SIK3: variants seen among roughly 807,000 people sequenced by gnomAD.
SIK3 encodes SIK family kinase 3.
SIK3 carries 28 observed loss-of-function variants against 144.2 expected under a neutral mutation model. That is an observed-to-expected ratio of 0.19 (90% CI 0.14 to 0.27). SIK3 has a LOEUF of 0.27. Among genes scored for constraint, SIK3 ranks in the 10% least tolerant of loss-of-function variants. The pLI is 1.00. For missense variants in SIK3, 1,319 were observed against 1,776.0 expected (o/e 0.74, Z 4.62); for synonymous variants, 686 against 676.3 (o/e 1.01, Z -0.22).
intron 1 of SIK3, among the ~76,000 whole-genome samples, chr11:116,984,012 C>G (rs1950241348): frequency 7.1e-6 from 1 of 141,628 alleles, no homozygotes; most frequent in Non-Finnish European, 1.5e-5. Context: ...GATCATGCCA[C>G]TGCACTCCAG....
intron 1 of SIK3, among the ~76,000 whole-genome samples, chr11:117,040,842 T>C (rs1298740824): frequency 6.6e-6 from 1 of 152,126 alleles, no homozygotes; most frequent in Non-Finnish European, 1.5e-5. Context: ...TTTCATTGTA[T>C]ATATTTAAGG....
rs1942594401 is a variant in SIK3 at position 116,853,086 on chromosome 11, C to G, written c.3656-3803G>C. 2.0e-5 allele frequency among the ~76,000 whole-genome samples: 3 copies of G among 152,222 alleles called. No individual in the cohort carries two copies. In the South Asian group the frequency reaches 6.2e-4, roughly 32 times the overall value. ...ACCAGCAAAGTGTTGGCAAATCTTT[C>G]AGCTTCTCCTCAAGGTTCCTGATCT... On this transcript the variant is annotated intron_variant, in intron 21 of 24. Coordinates refer to ENST00000445177, the MANE Select transcript of SIK3 (RefSeq NM_001366686.3).
chr11:116,992,753 G>C (rs1950540165), intron 1 of SIK3, among the ~76,000 whole-genome samples: 1 of 152,204 alleles, frequency 6.6e-6, no homozygotes, highest in Admixed American at 6.5e-5. Context: ...GGGGAGCCAA[G>C]GCAGGAGGAC....
At chr11:116,891,126 G>C (rs1375329314) in intron 6 of SIK3, among the ~76,000 whole-genome samples, 1 of 152,150 alleles carries the variant, frequency 6.6e-6, no homozygotes, top group Admixed American at 6.5e-5. Context: ...GGTCAACAGA[G>C]AGAGAGTCCA....
chr11:117,063,116 A>G (rs574041615), intron 1 of SIK3, among the ~76,000 whole-genome samples: 12 of 152,346 alleles, frequency 7.9e-5, no homozygotes, highest in Non-Finnish European at 1.3e-4. Flanking sequence ...ACAATATTTA[A>G]AAGAATGTAT....
intron 1 of SIK3, among the ~76,000 whole-genome samples, chr11:117,023,621 A>AAAAATATATATATATATATATATAT (rs754624841): frequency 4.2e-5 from 4 of 95,408 alleles, no homozygotes; most frequent in African/African-American, 1.3e-4. Flanking sequence ...AAAAAAAAAA[A>AAAAATATATATATATATATATATAT]ATATATATAT....
chr11:116,875,192 T>C lies in SIK3; in HGVS notation c.1393A>G (p.Met465Val). 4.3e-6 allele frequency: 7 copies of C among 1,614,108 alleles called. No individual in the cohort carries two copies. The highest frequency in any genetic ancestry group is 5.9e-6 in the Non-Finnish European group (7 of 1,180,010). The change falls in exon 11 of 25, where the codon ATG becomes GTG. Residue 465 changes from methionine to valine, a missense_variant. By Grantham distance (21) the Met-to-Val change is conservative. Around this residue, in one of 8 missense-constraint regions of SIK3, gnomAD observed 167 missense variants for 263.3 expected, o/e 0.63. Transcript: ENST00000445177. ...GCCACACCCACTGTGTGCCTCCTCA[T>C]TGACAAATAGCGCACCAATGCTTCA... ...SPEALVRYLS[M>V]RRHTVGVADP...
intron 1 of SIK3, among the ~76,000 whole-genome samples, chr11:117,042,942 T>C (rs188371439): frequency 6.6e-6 from 1 of 152,350 alleles, no homozygotes; most frequent in Admixed American, 6.5e-5. Context: ...TGAAAGATTA[T>C]GTATTGTGCA....
At chr11:116,969,252 C>G (rs554090641) in intron 1 of SIK3, among the ~76,000 whole-genome samples, 1 of 144,286 alleles carries the variant, frequency 6.9e-6, no homozygotes, top group South Asian at 2.2e-4. Context: ...ATGGCACCAC[C>G]GCACTCCAGC....
intron 1 of SIK3, among the ~76,000 whole-genome samples, chr11:116,990,915 C>T (rs903168657): frequency 6.6e-6 from 1 of 152,186 alleles, no homozygotes; most frequent in Non-Finnish European, 1.5e-5. Flanking sequence ...ACAATGAAAG[C>T]TGTTACCACA....
intron 3 of SIK3, among the ~76,000 whole-genome samples, chr11:116,935,567 G>C (rs1425582376): frequency 1.3e-5 from 2 of 152,120 alleles, no homozygotes; most frequent in Non-Finnish European, 2.9e-5. Context: ...CTTTGAAATA[G>C]AATCTCATAT....
chr11:116,872,191 T>C (rs1483100115), intron 13 of SIK3, among the ~76,000 whole-genome samples: 2 of 152,028 alleles, frequency 1.3e-5, no homozygotes, highest in East Asian at 3.9e-4. Context: ...AAAAAAGAAG[T>C]CAACAGTGAT....
chr11:117,055,330 GAC>G (rs1565599940), intron 1 of SIK3, among the ~76,000 whole-genome samples: 1 of 152,132 alleles, frequency 6.6e-6, no homozygotes, highest in African/African-American at 2.4e-5. Context: ...GTGTACATGA[GAC>G]ACTATTTTAA....
chr11:117,046,881 A>AAAACAAAC (rs897737749), intron 1 of SIK3, among the ~76,000 whole-genome samples: 2 of 152,198 alleles, frequency 1.3e-5, no homozygotes, highest in Non-Finnish European at 2.9e-5. Flanking sequence ...CCCTGTCTTA[A>AAAACAAAC]AAACAAACAA....
intron 5 of SIK3, among the ~76,000 whole-genome samples, chr11:116,896,593 G>A (rs1158981395): frequency 1.3e-5 from 2 of 152,176 alleles, no homozygotes; most frequent in African/African-American, 4.8e-5. Flanking sequence ...TGGGGATAAG[G>A]TAAGTGGCCA....
intron 1 of SIK3, among the ~76,000 whole-genome samples, chr11:117,018,305 G>C (rs993444722): frequency 2.0e-5 from 3 of 152,128 alleles, no homozygotes; most frequent in Non-Finnish European, 4.4e-5. Context: ...GTTTTGATCA[G>C]CATTGGGATG....
intron 5 of SIK3, 80 bp from the exon 6 acceptor site, chr11:116,896,456 T>C (rs1458164072): frequency 1.4e-6 from 2 of 1,469,290 alleles, no homozygotes; most frequent in Admixed American, 2.0e-5. Context: ...TGTATGCAGA[T>C]GATGGTGAGT....
intron 1 of SIK3, among the ~76,000 whole-genome samples, chr11:117,065,963 G>A (rs913656200): frequency 2.0e-5 from 3 of 151,812 alleles, no homozygotes; most frequent in Admixed American, 6.6e-5. Flanking sequence ...TTTATTCCCT[G>A]AGCCAATATT....
At chr11:116,987,389 T>G (rs886291829) in intron 1 of SIK3, among the ~76,000 whole-genome samples, 3 of 149,738 alleles carry the variant, frequency 2.0e-5, no homozygotes, top group Admixed American at 2.0e-4. Context: ...ATTGAATAGA[T>G]GTTCTGAGAG....
Sources: allele counts gnomAD v4.1 joint callset (sites outside exome capture counted in the v4.1 genomes callset), GRCh38; gene constraint gnomAD v4.1.1; regional missense constraint gnomAD v4.1.1; transcripts MANE v1.5; gene names NCBI Gene and HGNC (gene_info 2026-07-23, HGNC 2026-07-21).